The following KHDRBS3 variants were observed in gnomAD, a reference collection of about 807,000 sequenced individuals.
The protein encoded by KHDRBS3 is KH domain-containing, RNA-binding, signal transduction-associated protein 3.
In KHDRBS3, 23 loss-of-function variants were observed where a neutral mutation model predicts 45.6. The ratio of observed to expected loss-of-function variants is 0.50; its 90% CI spans 0.36 to 0.72. The LOEUF (loss-of-function observed/expected upper bound fraction) is 0.72, where lower values mean the gene tolerates loss of function less well. Among genes scored for constraint, KHDRBS3 ranks in the 30% least tolerant of loss-of-function variants. KHDRBS3 has a pLI of 0.00. For synonymous variants in KHDRBS3, 162 were observed against 156.5 expected (o/e 1.04, Z -0.26); for missense variants, 352 against 424.8 (o/e 0.83, Z 1.51).
intron 7 of KHDRBS3, among the ~76,000 whole-genome samples, chr8:135,616,366 C>G (rs572890986): frequency 2.0e-5 from 3 of 152,132 alleles, no homozygotes; most frequent in Non-Finnish European, 4.4e-5. Flanking sequence ...GAGAAGACCA[C>G]CACATGGGAT....
At chr8:135,465,564 T>G (rs527835625) in intron 1 of KHDRBS3, among the ~76,000 whole-genome samples, 10 of 152,174 alleles carry the variant, frequency 6.6e-5, no homozygotes, top group Non-Finnish European at 8.8e-5. Flanking sequence ...GCAGCTCTGA[T>G]TGATTTTTAT....
At chr8:135,554,078 T>C (rs1367356135) in intron 4 of KHDRBS3, among the ~76,000 whole-genome samples, 1 of 152,168 alleles carries the variant, frequency 6.6e-6, no homozygotes, top group Non-Finnish European at 1.5e-5. Context: ...TACAATCACA[T>C]AGCTGTTAAG....
intron 7 of KHDRBS3, 78 bp downstream of exon 7, chr8:135,607,115 G>A (rs368214391): frequency 1.4e-5 from 16 of 1,143,158 alleles, no homozygotes; most frequent in African/African-American, 1.4e-4. Flanking sequence ...GGAAAAGTAT[G>A]GCAGTCAGCT....
At chr8:135,469,535 T>TTTTTTTTTTTTTTTTTTTTTTA (rs1821898020) in intron 1 of KHDRBS3, among the ~76,000 whole-genome samples, 3 of 89,150 alleles carry the variant, frequency 3.4e-5, no homozygotes, top group African/African-American at 1.3e-4. Context: ...TTTTTTTTTT[T>TTTTTTTTTTTTTTTTTTTTTTA]TTTTTTTTTT....
At chr8:135,497,669 A>G (rs898570403) in intron 1 of KHDRBS3, among the ~76,000 whole-genome samples, 12 of 152,242 alleles carry the variant, frequency 7.9e-5, no homozygotes, top group African/African-American at 2.9e-4. Flanking sequence ...CTAAAACAGC[A>G]GACATTTATT....
At chr8:135,581,304 A>G (rs957139405) in intron 5 of KHDRBS3, among the ~76,000 whole-genome samples, 1 of 152,240 alleles carries the variant, frequency 6.6e-6, no homozygotes, top group Non-Finnish European at 1.5e-5. Flanking sequence ...TTAGAAATAC[A>G]TGAATATGTT....
rs150258310 is a variant in KHDRBS3 at position 135,554,140 on chromosome 8, A to C, written c.472-3308A>C. ...CTCAGAAGTGATTGACTCAAATTCC[A>C]TATTTCTTTCCCTACTACACTATTG... is the stretch of plus-strand genomic sequence containing the variant. On this transcript the variant is annotated intron_variant, in intron 4 of 8. Transcript: ENST00000355849. Among the ~76,000 whole-genome samples the C allele has an allele frequency of 1.1e-3, 162 of 152,214 alleles. 1 individual carries two copies. The highest frequency in any genetic ancestry group is 3.3e-3 in the African/African-American group (136 of 41,558).
chr8:135,562,133 C>G (rs1563770073), intron 5 of KHDRBS3, among the ~76,000 whole-genome samples: 1 of 152,146 alleles, frequency 6.6e-6, no homozygotes, highest in Non-Finnish European at 1.5e-5. Context: ...CCTTCACATT[C>G]ACTTGTCACT....
chr8:135,556,955 G>A (rs377600384), intron 4 of KHDRBS3, among the ~76,000 whole-genome samples: 8 of 152,148 alleles, frequency 5.3e-5, no homozygotes, highest in African/African-American at 1.9e-4. Flanking sequence ...TGTACAAAAA[G>A]CCTGTGTCCC....
intron 1 of KHDRBS3, among the ~76,000 whole-genome samples, chr8:135,502,925 C>G (rs1266385348): frequency 6.6e-6 from 1 of 152,154 alleles, no homozygotes; most frequent in East Asian, 1.9e-4. Context: ...TGAAATTAAT[C>G]AGAATGAAAT....
chr8:135,554,132 C>G (rs1826757959), intron 4 of KHDRBS3, among the ~76,000 whole-genome samples: 1 of 152,160 alleles, frequency 6.6e-6, no homozygotes, highest in African/African-American at 2.4e-5. Flanking sequence ...GTGATTGACT[C>G]AAATTCCATA....
chr8:135,521,160 A>G (rs572931424), intron 1 of KHDRBS3, 77 bp from the exon 2 acceptor site: 52 of 799,980 alleles, frequency 6.5e-5, no homozygotes, highest in Admixed American at 4.3e-4. Flanking sequence ...ATTTCATGCC[A>G]CTACAGAGCT....
intron 1 of KHDRBS3, among the ~76,000 whole-genome samples, chr8:135,461,193 C>T (rs1285952357): frequency 2.0e-5 from 3 of 152,180 alleles, no homozygotes; most frequent in African/African-American, 4.8e-5. Flanking sequence ...TAACCTCTGC[C>T]TTCTGGGTTT....
rs530641360 is a variant in KHDRBS3, at chr8:135,643,036, G to A, written c.891-2023G>A. ...TCTCGATCTTCTGACCTCGTGATCC[G>A]CCCGCCTCAGCCTCCCAAAGTGCTG... On this transcript the variant is annotated intron_variant, in intron 7 of 8. Coordinates refer to ENST00000355849, the MANE Select transcript of KHDRBS3 (RefSeq NM_006558.3). Among the ~76,000 whole-genome samples the A allele has an allele frequency of 4.3e-4, 66 of 152,042 alleles. 1 individual carries two copies. The highest frequency in any genetic ancestry group is 1.5e-3 in the African/African-American group (62 of 41,482).
chr8:135,539,640 G>A (rs1825947967), intron 2 of KHDRBS3: 1 of 152,172 alleles, frequency 6.6e-6, no homozygotes, highest in Non-Finnish European at 1.5e-5. Context: ...CTTAATTCAT[G>A]CGACCTGCAC....
At chr8:135,600,045 G>C (rs904790511) in intron 6 of KHDRBS3, among the ~76,000 whole-genome samples, 1 of 29,886 alleles carries the variant, frequency 3.3e-5, no homozygotes, top group African/African-American at 9.6e-5. Flanking sequence ...ACAGCACCAG[G>C]CAGCAGTGGC....
chr8:135,521,524 C>T (rs974376813), intron 2 of KHDRBS3, among the ~76,000 whole-genome samples, 169 bp downstream of exon 2: 10 of 152,116 alleles, frequency 6.6e-5, no homozygotes, highest in African/African-American at 1.7e-4. Flanking sequence ...TCTGTCTTTT[C>T]CCTTTAGTGT....
chr8:135,546,581 T>C (rs1826314810), intron 3 of KHDRBS3, among the ~76,000 whole-genome samples: 1 of 152,200 alleles, frequency 6.6e-6, no homozygotes, highest in Admixed American at 6.5e-5. Context: ...ATAATAATTA[T>C]CATTACTATA....
chr8:135,587,435 G>A (rs1828531066), intron 6 of KHDRBS3, among the ~76,000 whole-genome samples: 1 of 152,282 alleles, frequency 6.6e-6, no homozygotes. Flanking sequence ...ATAATTTAAT[G>A]TGGTTAGCTT....
Sources: allele counts gnomAD v4.1 joint callset (sites outside exome capture counted in the v4.1 genomes callset), GRCh38; gene constraint gnomAD v4.1.1; transcripts MANE v1.5; gene names NCBI Gene and HGNC (gene_info 2026-07-23, HGNC 2026-07-21).